The following PRKN variants were observed in gnomAD, a reference collection of about 807,000 sequenced individuals.
PRKN encodes E3 ubiquitin-protein ligase parkin.
PRKN carries 56 observed loss-of-function variants against 59.5 expected under a neutral mutation model. The ratio of observed to expected loss-of-function variants is 0.94; its 90% CI spans 0.76 to 1.18. PRKN has a LOEUF of 1.18. Ranked by LOEUF, PRKN falls within the 50% of genes most tolerant of loss-of-function variation. PRKN has a pLI of 0.00. For synonymous variants in PRKN, 250 were observed against 222.1 expected, an observed-to-expected ratio of 1.13 and a Z score of -1.12; for missense variants, 657 against 596.4, an observed-to-expected ratio of 1.10 and a Z score of -1.06.
chr6:162,316,770 G>A (rs191966026), intron 2 of PRKN, among the ~76,000 whole-genome samples: 3 of 152,152 alleles, frequency 2.0e-5, no homozygotes, highest in African/African-American at 7.2e-5. Context: ...AAAAAAACAT[G>A]AATACGACCT....
chr6:162,481,506 G>T (rs1242207524), intron 1 of PRKN, among the ~76,000 whole-genome samples: 1 of 152,126 alleles, frequency 6.6e-6, no homozygotes, highest in Non-Finnish European at 1.5e-5. Flanking sequence ...AAATTCAAGG[G>T]CAGGCAGATG....
chr6:162,087,610 T>C (rs866549128), intron 4 of PRKN, among the ~76,000 whole-genome samples: 1 of 148,592 alleles, frequency 6.7e-6, no homozygotes. Context: ...TTTTTTTTTT[T>C]CTGAGACGGA....
At chr6:162,251,205 C>T (rs537295921) in intron 3 of PRKN, among the ~76,000 whole-genome samples, 1 of 152,222 alleles carries the variant, frequency 6.6e-6, no homozygotes, top group East Asian at 1.9e-4. Flanking sequence ...TGGCCACAAA[C>T]GTACTCCTAG....
intron 1 of PRKN, among the ~76,000 whole-genome samples, chr6:162,578,850 T>A (rs532655786): frequency 3.3e-5 from 5 of 152,232 alleles, no homozygotes; most frequent in Non-Finnish European, 7.3e-5. Flanking sequence ...GTCTAACTTA[T>A]GTCATATTTT....
At chr6:162,490,559 A>G (rs1455512185) in intron 1 of PRKN, among the ~76,000 whole-genome samples, 1 of 152,174 alleles carries the variant, frequency 6.6e-6, no homozygotes, top group Non-Finnish European at 1.5e-5. Context: ...TAAGACTCTA[A>G]ACAAAGTATT....
intron 4 of PRKN, among the ~76,000 whole-genome samples, chr6:162,055,030 C>T (rs927023454): frequency 2.0e-5 from 3 of 152,092 alleles, no homozygotes; most frequent in Non-Finnish European, 4.4e-5. Flanking sequence ...GGTGTGGTGG[C>T]ACGCGCCTGT....
chr6:162,168,752 C>T (rs775382675), intron 4 of PRKN, among the ~76,000 whole-genome samples: 3 of 151,966 alleles, frequency 2.0e-5, no homozygotes, highest in Non-Finnish European at 4.4e-5. Context: ...TACGTACAAT[C>T]ATTGTACACT....
intron 6 of PRKN, among the ~76,000 whole-genome samples, chr6:161,958,568 C>G (rs187750282): frequency 2.0e-4 from 30 of 151,810 alleles, no homozygotes; most frequent in Admixed American, 1.8e-3. Context: ...TAATATGATA[C>G]CTGAATTTTA....
At chr6:161,857,834 G>T (rs1473199626) in intron 6 of PRKN, among the ~76,000 whole-genome samples, 3 of 152,194 alleles carry the variant, frequency 2.0e-5, no homozygotes, top group Non-Finnish European at 4.4e-5. Context: ...GCTAAGGTGT[G>T]AGGTTGGAAA....
rs894837542 is a variant in PRKN at position 161,447,210 on chromosome 6, T to C, written c.1084-60333A>G. Among the ~76,000 whole-genome samples, 8 of 152,208 alleles carry C rather than the reference T, an allele frequency of 5.3e-5. No homozygotes were observed. Among genetic ancestry groups the C allele is most frequent in the Admixed American group, 2.0e-4 (3 of 15,280 alleles). ...GAAAGCTGCTTTTTCACTCAGAGAA[T>C]GGGCTGCTGTTCATTGACCAGCTTT... On this transcript the variant is annotated intron_variant, in intron 9 of 11. Transcript: ENST00000366898. The surrounding 1 kb of genome is among the most constrained non-coding windows in gnomAD (Gnocchi z 4.1).
At chr6:161,504,422 AG>A (rs1778074717) in intron 9 of PRKN, among the ~76,000 whole-genome samples, 1 of 152,174 alleles carries the variant, frequency 6.6e-6, no homozygotes. Context: ...GGATGGGAAA[AG>A]GGGGTGAACC....
At position 162,314,110 on chromosome 6, in the gene PRKN, T is replaced by C. The variant is rs114066496; in HGVS notation, c.172-51345A>G. Among the ~76,000 whole-genome samples, 241 of 152,226 alleles carry C rather than the reference T, an allele frequency of 1.6e-3. 1 individual carries two copies. Among genetic ancestry groups the C allele is most frequent in the African/African-American group, 5.6e-3 (234 of 41,528 alleles). ...CATGTAGCGCTTGCTCTCTGAGGTGTGTCTACTACACAACACAGAGTTCCC... is the reference window on the plus strand; with the variant it reads ...CATGTAGCGCTTGCTCTCTGAGGTGCGTCTACTACACAACACAGAGTTCCC... On this transcript the variant is annotated intron_variant, in intron 2 of 11. Coordinates refer to ENST00000366898, the MANE Select transcript of PRKN (RefSeq NM_004562.3).
chr6:161,895,520 CCCCCCAG>C (rs1562371943), intron 6 of PRKN, among the ~76,000 whole-genome samples: 36 of 127,968 alleles, frequency 2.8e-4, no homozygotes, highest in East Asian at 1.5e-3. Flanking sequence ...TGCCGTTATG[CCCCCCAG>C]TGAGGCTTCT....
At chr6:161,430,672 C>G (rs6455729) in intron 9 of PRKN, among the ~76,000 whole-genome samples, 3 of 151,250 alleles carry the variant, frequency 2.0e-5, no homozygotes, top group Non-Finnish European at 2.9e-5. Flanking sequence ...AAAATTAGCC[C>G]GGCATAGTGG....
chr6:162,267,911 C>T (rs147832349), intron 2 of PRKN, among the ~76,000 whole-genome samples: 74 of 152,164 alleles, frequency 4.9e-4, no homozygotes, highest in African/African-American at 1.6e-3. Flanking sequence ...GTTCCTTCAA[C>T]GGCACATAGT....
Position 161,428,833 on chromosome 6 carries a change from T to C in PRKN, c.1084-41956A>G, listed in dbSNP as rs1027705581. Among the ~76,000 whole-genome samples the C allele has an allele frequency of 2.9e-4, 44 of 152,332 alleles. No individual in the cohort carries two copies. Among genetic ancestry groups the C allele is most frequent in the Admixed American group, 2.7e-3 (41 of 15,300 alleles). ...TCATGTTTTTGCAGGCAGATGACTG[T>C]GTAAGTCCTACATGGCCACCCTGCC... On this transcript the variant is annotated intron_variant, in intron 9 of 11. Coordinates refer to ENST00000366898, the MANE Select transcript of PRKN (RefSeq NM_004562.3). The surrounding 1 kb of genome is among the most constrained non-coding windows in gnomAD (Gnocchi z 4.0).
chr6:162,194,005 C>A (rs1046134660), intron 4 of PRKN, among the ~76,000 whole-genome samples: 3 of 152,006 alleles, frequency 2.0e-5, no homozygotes, highest in Non-Finnish European at 4.4e-5. Context: ...TTTTGGTAAA[C>A]CAACAAACAA....
Position 161,527,557 on chromosome 6 carries a change from GGGGTGGAGTGAGGAACATCTGCCCA to G in PRKN, c.1083+21272_1083+21296del, listed in dbSNP as rs1779059666. On this transcript the variant is annotated intron_variant, in intron 9 of 11. Transcript: ENST00000366898. The surrounding 1 kb of genome is among the most constrained non-coding windows in gnomAD (Gnocchi z 4.6). ...AGTGCTGTGGCCTCTCTCTGCCTGA[GGGGTGGAGTGAGGAACATCTGCCCA>G]TGGGTAGTAGCACCTTGTAAAATCT... Among the ~76,000 whole-genome samples, 1 of 152,302 alleles carries G rather than the reference GGGGTGGAGTGAGGAACATCTGCCCA, an allele frequency of 6.6e-6. No individual in the cohort carries two copies. The highest frequency in any genetic ancestry group is 6.5e-5 in the Admixed American group (1 of 15,306).
At chr6:162,514,792 C>A in intron 1 of PRKN, among the ~76,000 whole-genome samples, 1 of 152,008 alleles carries the variant, frequency 6.6e-6, no homozygotes, top group East Asian at 1.9e-4. Context: ...ACTTTTCAGT[C>A]CTGATGACTA....
Sources: gnomAD v4.1 joint callset for allele counts (sites outside exome capture counted in the v4.1 genomes callset) on GRCh38, gnomAD v4.1.1 for gene constraint, Gnocchi (gnomAD v3.1) non-coding constraint, MANE v1.5 for transcripts, NCBI Gene and HGNC (gene_info 2026-07-23, HGNC 2026-07-21) for gene names.